The following KYNU variants were observed in gnomAD, a reference collection of about 807,000 sequenced individuals.
KYNU encodes kynureninase.
Under a neutral mutation model 59.2 loss-of-function variants are expected in KYNU, and 54 were observed. The observed-to-expected ratio is 0.91, with a 90% confidence interval of 0.73 to 1.14. The LOEUF is 1.14. KYNU is among the 50% of genes most tolerant of loss of function. The pLI is 0.00. For missense variants in KYNU, 567 were observed against 554.4 expected, an observed-to-expected ratio of 1.02 and a Z score of -0.23; for synonymous variants, 177 against 192.0, an observed-to-expected ratio of 0.92 and a Z score of 0.65.
chr2:142,988,677 A>G (rs1374113006), intron 10 of KYNU, among the ~76,000 whole-genome samples: 1 of 151,976 alleles, frequency 6.6e-6, no homozygotes, highest in Non-Finnish European at 1.5e-5. Context: ...GGCTTGACTC[A>G]TGAAGGCCAC....
intron 1 of KYNU, among the ~76,000 whole-genome samples, chr2:142,883,849 A>G (rs1256336108): frequency 6.6e-6 from 1 of 152,198 alleles, no homozygotes; most frequent in Non-Finnish European, 1.5e-5. Context: ...GTTGGCACTT[A>G]TGCACTCTCT....
At chr2:142,947,165 CTTAAGTCATCT>C in intron 4 of KYNU, 1 of 1,551,060 alleles carries the variant, frequency 6.4e-7, no homozygotes. Flanking sequence ...TATGTGTAAT[CTTAAGTCATCT>C]TGCTAACGCA....
At chr2:143,030,650 A>C (rs1358704499) in intron 11 of KYNU, among the ~76,000 whole-genome samples, 1 of 99,524 alleles carries the variant, frequency 1.0e-5, no homozygotes. Context: ...GATGATGATG[A>C]TGCTGATTAT....
chr2:143,032,302 C>CAAA (rs71939125), intron 11 of KYNU, among the ~76,000 whole-genome samples: 11 of 148,134 alleles, frequency 7.4e-5, no homozygotes, highest in Non-Finnish European at 1.0e-4. Context: ...AAAAAAAAAA[C>CAAA]AAAACAAAAA....
At chr2:142,909,685 C>G (rs1682416417) in intron 2 of KYNU, among the ~76,000 whole-genome samples, 1 of 152,122 alleles carries the variant, frequency 6.6e-6, no homozygotes, top group African/African-American at 2.4e-5. Context: ...ACCACATGTT[C>G]TTTATCCAAT....
intron 4 of KYNU, among the ~76,000 whole-genome samples, chr2:142,929,061 T>C (rs1683131163): frequency 7.2e-6 from 1 of 139,020 alleles, no homozygotes. Flanking sequence ...CTTATCCTCA[T>C]AGACTGCCAG....
At chr2:142,905,915 A>G (rs946216128) in intron 2 of KYNU, among the ~76,000 whole-genome samples, 1 of 152,124 alleles carries the variant, frequency 6.6e-6, no homozygotes, top group Admixed American at 6.5e-5. Context: ...TAGGTTTTAA[A>G]TTTACCCTGG....
intron 8 of KYNU, among the ~76,000 whole-genome samples, chr2:142,962,204 A>G (rs577903862): frequency 6.6e-6 from 1 of 152,354 alleles, no homozygotes; most frequent in African/African-American, 2.4e-5. Flanking sequence ...CTTCCTAGAC[A>G]TGAGACAGCA....
At chr2:142,999,007 C>CAAAAAAA (rs59742828) in intron 10 of KYNU, among the ~76,000 whole-genome samples, 2 of 63,490 alleles carry the variant, frequency 3.2e-5, no homozygotes, top group Non-Finnish European at 6.0e-5. Flanking sequence ...GACTCCGTCT[C>CAAAAAAA]AAAAAAAAAA....
Position 143,042,224 on chromosome 2 carries a change from A to T in KYNU, c.*52A>T, listed in dbSNP as rs1224283695. ...AATTATACTGAAAGCTGCTGTGGTTATTTCAGTATTATTCGATTTTTAATT... is the reference window on the plus strand; with the variant it reads ...AATTATACTGAAAGCTGCTGTGGTTTTTTCAGTATTATTCGATTTTTAATT... On this transcript the variant is annotated 3_prime_UTR_variant, in exon 14 of 14. Transcript: ENST00000264170. 2 of 1,550,168 alleles carry T rather than the reference A, an allele frequency of 1.3e-6. No individual in the cohort carries two copies. Among genetic ancestry groups the T allele is most frequent in the African/African-American group, 2.7e-5 (2 of 73,550 alleles).
rs564627707 is a variant in KYNU, at chr2:142,890,357, G to A, written c.169+4821G>A. Reference sequence around the variant, plus strand: ...GATATATGGCTTTTGCACAGACACAGGACAAAGACAATCTTTTTCAGAGTG... The same window carrying A: ...GATATATGGCTTTTGCACAGACACAAGACAAAGACAATCTTTTTCAGAGTG... On this transcript the variant is annotated intron_variant, in intron 2 of 13. Coordinates refer to ENST00000264170, the MANE Select transcript of KYNU (RefSeq NM_003937.3). 1.1e-4 allele frequency among the ~76,000 whole-genome samples: 16 copies of A among 152,010 alleles called. No homozygotes were observed. In the South Asian group the frequency reaches 3.3e-3, roughly 32 times the overall value.
At chr2:142,910,419 GTTAT>G (rs1010663722) in intron 2 of KYNU, among the ~76,000 whole-genome samples, 72 of 152,020 alleles carry the variant, frequency 4.7e-4, no homozygotes, top group Middle Eastern at 3.4e-3. Flanking sequence ...TTTTAATGGG[GTTAT>G]TTGTTTCTCG....
At chr2:143,040,903 A>G (rs191624513) in intron 13 of KYNU, among the ~76,000 whole-genome samples, 1 of 152,210 alleles carries the variant, frequency 6.6e-6, no homozygotes, top group South Asian at 2.1e-4. Flanking sequence ...TAACTTACTC[A>G]TTCTTTTCAT....
intron 10 of KYNU, among the ~76,000 whole-genome samples, chr2:143,027,122 G>A (rs1178184868): frequency 6.6e-6 from 1 of 152,122 alleles, no homozygotes; most frequent in African/African-American, 2.4e-5. Flanking sequence ...TTTCTGCCTA[G>A]ATTTTCTGTG....
intron 10 of KYNU, among the ~76,000 whole-genome samples, chr2:143,014,261 A>ACCCTCCCAGCCTCAT (rs1222834017): frequency 6.6e-6 from 1 of 151,960 alleles, no homozygotes; most frequent in Non-Finnish European, 1.5e-5. Context: ...TGACCTCTCA[A>ACCCTCCCAGCCTCAT]CCCTCCCAGC....
chr2:143,003,460 A>G (rs1002482075), intron 10 of KYNU, among the ~76,000 whole-genome samples: 62 of 152,222 alleles, frequency 4.1e-4, no homozygotes, highest in African/African-American at 1.4e-3. Context: ...GCGGGCACCT[A>G]TAATCCCCGC....
chr2:142,979,514 GGT>G (rs1293146155), intron 8 of KYNU, among the ~76,000 whole-genome samples: 1 of 152,126 alleles, frequency 6.6e-6, no homozygotes, highest in South Asian at 2.1e-4. Context: ...AAAGTTATCT[GGT>G]GATCAAAATC....
At chr2:142,961,007 A>T (rs1042645349) in intron 8 of KYNU, among the ~76,000 whole-genome samples, 19 of 152,076 alleles carry the variant, frequency 1.2e-4, no homozygotes, top group African/African-American at 4.6e-4. Flanking sequence ...AGCCTGACAA[A>T]AATGGCGAAA....
At chr2:142,956,960 T>C (rs1256547636) in intron 6 of KYNU, among the ~76,000 whole-genome samples, 1 of 152,080 alleles carries the variant, frequency 6.6e-6, no homozygotes, top group Admixed American at 6.6e-5. Flanking sequence ...CTGGGCAATA[T>C]AGTGAGACCT....
Sources: gnomAD v4.1 joint callset for allele counts (sites outside exome capture counted in the v4.1 genomes callset) on GRCh38, gnomAD v4.1.1 for gene constraint, MANE v1.5 for transcripts, NCBI Gene and HGNC (gene_info 2026-07-23, HGNC 2026-07-21) for gene names.